NRXN3: variants seen among roughly 807,000 people sequenced by gnomAD.
The protein encoded by NRXN3 is neurexin 3, also known as neurexin III.
Under a neutral mutation model 137.6 loss-of-function variants are expected in NRXN3, and 32 were observed. The observed-to-expected ratio is 0.23, with a 90% CI of 0.18 to 0.31. NRXN3 has a LOEUF of 0.31. Among genes scored for constraint, NRXN3 ranks in the 10% least tolerant of loss-of-function variants. The pLI, the probability that NRXN3 is intolerant of heterozygous loss-of-function variation, is 1.00. For synonymous variants in NRXN3, 798 were observed against 784.5 expected (o/e 1.02, Z -0.29); for missense variants, 1,574 against 2,062.5 (o/e 0.76, Z 4.59).
intron 14 of NRXN3, among the ~76,000 whole-genome samples, chr14:78,969,372 G>T (rs138380088): frequency 2.0e-5 from 3 of 152,202 alleles, no homozygotes; most frequent in South Asian, 2.1e-4. Flanking sequence ...GGCTGAAAAC[G>T]TGACTGTTAC....
intron 19 of NRXN3, among the ~76,000 whole-genome samples, chr14:79,765,776 C>G (rs1391121530): frequency 6.6e-6 from 1 of 152,178 alleles, no homozygotes; most frequent in Non-Finnish European, 1.5e-5. Flanking sequence ...AACTCATCTT[C>G]TCTGGCGGTG....
Position 78,966,209 on chromosome 14 carries a change from G to A in NRXN3, c.2580G>A (p.Lys860=). ...KNGDIDYCEL[K]ARFGLRNIIA... is the part of the protein sequence containing the mutation. ...GTGACATTGATTATTGTGAGCTGAA[G>A]GCTCGTTTTGGACTGAGGAACATCA... Residue 860 remains lysine (K), a synonymous_variant, in exon 12 of 21, where the codon AAG becomes AAA. Transcript: ENST00000335750. 1 of 1,614,160 alleles carries A rather than the reference G, an allele frequency of 6.2e-7. No homozygotes were observed. Among genetic ancestry groups the A allele is most frequent in the Non-Finnish European group, 8.5e-7 (1 of 1,180,030 alleles).
intron 15 of NRXN3, among the ~76,000 whole-genome samples, chr14:79,440,943 A>G (rs1201443824): frequency 2.0e-5 from 3 of 152,192 alleles, no homozygotes; most frequent in Non-Finnish European, 4.4e-5. Flanking sequence ...CAAATTTAGT[A>G]TACGGTAAGC....
intron 4 of NRXN3, among the ~76,000 whole-genome samples, chr14:78,450,048 A>G (rs1161982313): frequency 6.6e-6 from 1 of 152,210 alleles, no homozygotes; most frequent in African/African-American, 2.4e-5. Context: ...TGCCTGAGGC[A>G]TATGGAAAGC....
At chr14:78,961,012 A>G (rs1163638495) in intron 11 of NRXN3, among the ~76,000 whole-genome samples, 1 of 137,222 alleles carries the variant, frequency 7.3e-6, no homozygotes, top group Non-Finnish European at 1.6e-5. Flanking sequence ...GTATTTGCTA[A>G]TTTTTTTTTT....
chr14:79,690,028 A>G lies in NRXN3; in HGVS notation c.3617-2145A>G, dbSNP rs553596285. Among the ~76,000 whole-genome samples, 14 of 152,318 alleles carry G rather than the reference A, an allele frequency of 9.2e-5. No homozygotes were observed. The South Asian group carries it at 2.7e-3, about 29-fold the overall frequency. On this transcript the variant is annotated intron_variant, in intron 17 of 20. Transcript: ENST00000335750. ...TCATTAATATATTTAATGTGTAGCCAACAATGGCAGATACAGAAAACCCAA... is the reference window on the plus strand; with the variant it reads ...TCATTAATATATTTAATGTGTAGCCGACAATGGCAGATACAGAAAACCCAA...
chr14:79,794,869 G>A (rs2099156388), intron 19 of NRXN3, among the ~76,000 whole-genome samples: 1 of 152,216 alleles, frequency 6.6e-6, no homozygotes, highest in Non-Finnish European at 1.5e-5. Flanking sequence ...AGCAAGGAAT[G>A]GAAGTGGACA....
intron 15 of NRXN3, among the ~76,000 whole-genome samples, chr14:79,350,584 T>C (rs1262034738): frequency 6.6e-6 from 1 of 152,222 alleles, no homozygotes; most frequent in Non-Finnish European, 1.5e-5. Context: ...AATCAGCCTT[T>C]GGCACACATT....
intron 2 of NRXN3, among the ~76,000 whole-genome samples, chr14:78,254,601 C>A (rs2069198074): frequency 6.6e-6 from 1 of 151,806 alleles, no homozygotes; most frequent in Admixed American, 6.6e-5. Context: ...ATCATTTGAA[C>A]CCAGAGGTGG....
At chr14:79,783,878 A>G (rs1170279397) in intron 19 of NRXN3, among the ~76,000 whole-genome samples, 1 of 152,020 alleles carries the variant, frequency 6.6e-6, no homozygotes, top group Non-Finnish European at 1.5e-5. Flanking sequence ...TAATCTCCTC[A>G]CTGCCCTTGT....
At chr14:79,104,376 A>T (rs2051954969) in intron 15 of NRXN3, among the ~76,000 whole-genome samples, 1 of 152,148 alleles carries the variant, frequency 6.6e-6, no homozygotes, top group African/African-American at 2.4e-5. Context: ...TATAGATGAG[A>T]TATAGTAAAC....
intron 8 of NRXN3, among the ~76,000 whole-genome samples, chr14:78,726,945 C>T (rs1461626889): frequency 8.8e-6 from 1 of 113,538 alleles, no homozygotes; most frequent in African/African-American, 3.0e-5. Context: ...GGGAGCTATA[C>T]AGGATTTATT....
chr14:78,283,640 C>T (rs112216126), intron 3 of NRXN3, among the ~76,000 whole-genome samples: 65 of 152,112 alleles, frequency 4.3e-4, no homozygotes, highest in African/African-American at 1.4e-3. Flanking sequence ...TCTCGAGTAG[C>T]GAGGATTACA....
intron 10 of NRXN3, among the ~76,000 whole-genome samples, chr14:78,821,645 C>A (rs2098951099): frequency 6.6e-6 from 1 of 151,888 alleles, no homozygotes; most frequent in South Asian, 2.1e-4. Context: ...TGGAAAAATT[C>A]TGTACCTTTC....
chr14:78,376,306 CAGCT>C (rs1291568336), intron 4 of NRXN3, among the ~76,000 whole-genome samples: 4 of 152,172 alleles, frequency 2.6e-5, no homozygotes, highest in African/African-American at 9.7e-5. Flanking sequence ...AGCTTCTACT[CAGCT>C]AGAGCAAATT....
intron 4 of NRXN3, among the ~76,000 whole-genome samples, chr14:78,503,463 G>A (rs1390741452): frequency 6.6e-6 from 1 of 152,140 alleles, no homozygotes; most frequent in Non-Finnish European, 1.5e-5. Context: ...GAGAGGTCTG[G>A]TAGGAATCTA....
chr14:79,067,950 T>A (rs1026396129), intron 15 of NRXN3, among the ~76,000 whole-genome samples: 1 of 152,014 alleles, frequency 6.6e-6, no homozygotes, highest in Non-Finnish European at 1.5e-5. Context: ...AAGAGGATTA[T>A]GAGAACAGAC....
At chr14:79,409,770 C>T (rs2095386528) in intron 15 of NRXN3, among the ~76,000 whole-genome samples, 1 of 151,528 alleles carries the variant, frequency 6.6e-6, no homozygotes, top group Non-Finnish European at 1.5e-5. Flanking sequence ...CCCCATTGCC[C>T]ATTCTCCAGC....
chr14:79,787,904 G>A (rs2099134103), intron 19 of NRXN3, among the ~76,000 whole-genome samples: 1 of 152,108 alleles, frequency 6.6e-6, no homozygotes, highest in African/African-American at 2.4e-5. Context: ...TCACAAGGAT[G>A]GGAAATACTT....
Sources: gnomAD v4.1 joint callset for allele counts (sites outside exome capture counted in the v4.1 genomes callset) on GRCh38, gnomAD v4.1.1 for gene constraint, MANE v1.5 for transcripts, NCBI Gene and HGNC (gene_info 2026-07-23, HGNC 2026-07-21) for gene names.